Variants in TRMT2B observed in about 807,000 individuals in gnomAD.
TRMT2B encodes the protein tRNA methyltransferase 2B, also known as tRNA (uracil-5-)-methyltransferase homolog B.
Under a neutral mutation model 39.7 loss-of-function variants are expected in TRMT2B, and 34 were observed. The observed-to-expected ratio is 0.86, with a 90% CI of 0.65 to 1.14. TRMT2B has a LOEUF of 1.14. TRMT2B is among the 50% of genes most tolerant of loss of function. The probability of loss-of-function intolerance (pLI) is 0.00; values close to 1 mark genes in which losing one functional copy is unlikely to be tolerated. For missense variants in TRMT2B, 318 were observed against 377.2 expected, an observed-to-expected ratio of 0.84 and a Z score of 1.30; for synonymous variants, 132 against 137.3, an observed-to-expected ratio of 0.96 and a Z score of 0.27.
At chrX:101,005,766 A>G (rs911374998), downstream of TRMT2B, among the ~76,000 whole-genome samples, 2 of 105,030 alleles carry the variant, frequency 1.9e-5, no homozygotes, top group Non-Finnish European at 3.9e-5. Flanking sequence ...CTATAATCCC[A>G]GCTAAGCGGG....
At chrX:101,044,990 A>G (rs1469786207) in intron 2 of TRMT2B, among the ~76,000 whole-genome samples, 4 of 102,797 alleles carry the variant, frequency 3.9e-5, no homozygotes, top group Non-Finnish European at 7.9e-5. Flanking sequence ...AGACCGTGCC[A>G]TTGCACTCCA....
At chrX:101,043,310 G>T (rs1361590609) in intron 2 of TRMT2B, among the ~76,000 whole-genome samples, 1 of 110,163 alleles carries the variant, frequency 9.1e-6, no homozygotes, top group Non-Finnish European at 1.9e-5. Flanking sequence ...GGTGGCTCAC[G>T]CCTGTAATCC....
rs1362747138 is a variant in TRMT2B at position 101,051,667 on chromosome X, C to G, written c.-440G>C. ...ACCTTGCGCAGTCACCGTCGGGTCC[C>G]GTCTCCAGCCCCGCCTGCCTCCTCC... On this transcript the variant is annotated 5_prime_UTR_variant, in exon 2 of 14. Coordinates refer to ENST00000372936, the MANE Select transcript of TRMT2B (RefSeq NM_024917.6). The G allele has an allele frequency of 2.7e-6, 2 of 753,894 alleles. No homozygotes were observed. The highest frequency in any genetic ancestry group is 3.1e-6 in the Non-Finnish European group (2 of 639,489). The allele number at this position is 753,894 out of a possible 1,213,427, so 62.1% of individuals were successfully genotyped here. A position where few individuals can be genotyped will look rare whatever the true frequency, so the allele number is the denominator to read the frequency against.
chrX:101,004,624 C>T (rs2086088719), downstream of TRMT2B, among the ~76,000 whole-genome samples: 1 of 111,085 alleles, frequency 9.0e-6, no homozygotes, highest in Admixed American at 9.6e-5. Flanking sequence ...GCCTCAGCCT[C>T]CCAAGTAGCT....
At chrX:101,044,802 T>C (rs2088508224) in intron 2 of TRMT2B, among the ~76,000 whole-genome samples, 1 of 92,350 alleles carries the variant, frequency 1.1e-5, no homozygotes, top group African/African-American at 4.2e-5. Flanking sequence ...ATCACGCCAC[T>C]GCACTCCAGC....
At chrX:100,985,553 G>A in the TRMT2B span, 103 of 885,932 alleles carry the variant, frequency 1.2e-4, no homozygotes, top group Non-Finnish European at 1.6e-4. Flanking sequence ...CCTCTGCATA[G>A]TACTTCCCAG....
At chrX:101,029,991 G>C (rs2087344815) in intron 7 of TRMT2B, among the ~76,000 whole-genome samples, 1 of 111,782 alleles carries the variant, frequency 8.9e-6, no homozygotes, top group Non-Finnish European at 1.9e-5. Flanking sequence ...CAGGTGCAGT[G>C]GCTCACACTT....
chrX:100,986,762 A>T, the TRMT2B span: 1 of 1,038,675 alleles, frequency 9.6e-7, no homozygotes, highest in Non-Finnish European at 1.3e-6. Flanking sequence ...TCACTCTTCC[A>T]CTCTTTTCCT....
At chrX:101,049,623 G>A (rs2088929200) in intron 2 of TRMT2B, among the ~76,000 whole-genome samples, 1 of 108,974 alleles carries the variant, frequency 9.2e-6, no homozygotes, top group African/African-American at 3.3e-5. Flanking sequence ...GTGAAACCCT[G>A]TCTACCAAAA....
At chrX:101,032,413 CCGT>C (rs2087531913) in intron 7 of TRMT2B, among the ~76,000 whole-genome samples, 1 of 108,057 alleles carries the variant, frequency 9.3e-6, no homozygotes, top group South Asian at 4.1e-4. Flanking sequence ...CAGTGAAACC[CCGT>C]CTCTACTAAA....
At position 101,038,106 on chromosome X, in the gene TRMT2B, G is replaced by A. The variant is rs1270665423; in HGVS notation, c.304-55C>T. 8.8e-6 allele frequency: 10 copies of A among 1,137,535 alleles called. No homozygotes were observed. In the East Asian group the frequency reaches 1.2e-4, roughly 14 times the overall value. 93.7% of individuals were successfully genotyped at this position (1,137,535 alleles called of 1,213,427 possible). A position where few individuals can be genotyped will look rare whatever the true frequency, so the allele number is the denominator to read the frequency against. On this transcript the variant is annotated intron_variant, in intron 4 of 13. Transcript: ENST00000372936. Reference sequence around the variant, plus strand: ...ATACTGGCTGGGCACGGTGGCTCACGCCTGTAATCCCAGCACTTTGGGAGG... The same window carrying A: ...ATACTGGCTGGGCACGGTGGCTCACACCTGTAATCCCAGCACTTTGGGAGG...
chrX:101,016,288 A>G (rs1234315022), intron 13 of TRMT2B, among the ~76,000 whole-genome samples: 3 of 110,958 alleles, frequency 2.7e-5, no homozygotes, highest in Non-Finnish European at 3.8e-5. Flanking sequence ...CAACCTATCT[A>G]CTTTCTTTGT....
chrX:101,017,167 G>A (rs752022757), intron 13 of TRMT2B, among the ~76,000 whole-genome samples: 3 of 109,973 alleles, frequency 2.7e-5, no homozygotes, highest in Non-Finnish European at 5.7e-5. Context: ...GCAAGACTCC[G>A]TCTCAGGAAA....
At chrX:101,034,759 C>T (rs2087731553) in intron 7 of TRMT2B, among the ~76,000 whole-genome samples, 1 of 111,606 alleles carries the variant, frequency 9.0e-6, no homozygotes, top group Non-Finnish European at 1.9e-5. Context: ...AGACCAGGCG[C>T]AGTGGCTCAC....
rs184840861 is a variant in TRMT2B at position 101,039,577 on chromosome X, G to A, written c.304-1526C>T. 2.7e-5 allele frequency among the ~76,000 whole-genome samples: 3 copies of A among 111,867 alleles called. No homozygotes were observed. In the Admixed American group the frequency reaches 2.9e-4, roughly 11 times the overall value. ...AGAACCTAATAAAAACAGCAGCACT[G>A]TTTTGTACATGGCAAGTGGTTAAGA... On this transcript the variant is annotated intron_variant, in intron 4 of 13. Transcript: ENST00000372936.
At chrX:100,974,152 T>C in the TRMT2B span, 2 of 1,194,034 alleles carry the variant, frequency 1.7e-6, no homozygotes, top group East Asian at 3.0e-5. Context: ...TATCATTGGC[T>C]TGAACAACTC....
the TRMT2B span, among the ~76,000 whole-genome samples, chrX:100,993,723 G>C: frequency 9.0e-6 from 1 of 111,669 alleles, no homozygotes; most frequent in Non-Finnish European, 1.9e-5. Flanking sequence ...AAGTTATTTA[G>C]ATACCCTCCT....
At position 101,036,369 on chromosome X, in the gene TRMT2B, C is replaced by T. The variant is rs555752035; in HGVS notation, c.538+605G>A. On this transcript the variant is annotated intron_variant, in intron 6 of 13. Coordinates refer to ENST00000372936, the MANE Select transcript of TRMT2B (RefSeq NM_024917.6). Reference sequence around the variant, plus strand: ...CTCAGACAGGAGAATCACTTGAACTCGGGAGGCGGAGGTTGCAGTGAGCCG... The same window carrying T: ...CTCAGACAGGAGAATCACTTGAACTTGGGAGGCGGAGGTTGCAGTGAGCCG... Among the ~76,000 whole-genome samples the T allele has an allele frequency of 2.9e-4, 28 of 96,698 alleles. No individual in the cohort carries two copies. In the East Asian group the frequency reaches 9.8e-3, roughly 34 times the overall value. The allele number at this position is 96,698 out of a possible 115,157, so 84.0% of individuals were successfully genotyped here.
chrX:101,036,373 A>G (rs1219419266), intron 6 of TRMT2B, among the ~76,000 whole-genome samples: 3 of 94,674 alleles, frequency 3.2e-5, no homozygotes, highest in African/African-American at 1.2e-4. Context: ...TGAACTCGGG[A>G]GGCGGAGGTT....
Sources: allele counts gnomAD v4.1 joint callset (sites outside exome capture counted in the v4.1 genomes callset), GRCh38; gene constraint gnomAD v4.1.1; transcripts MANE v1.5; gene names NCBI Gene and HGNC (gene_info 2026-07-23, HGNC 2026-07-21).